SCD5: variants seen among roughly 807,000 people sequenced by gnomAD.
The protein encoded by SCD5 is acyl-CoA-desaturase 4.
Under a neutral mutation model 30.4 loss-of-function variants are expected in SCD5, and 20 were observed. That is an observed-to-expected ratio of 0.66 (90% CI 0.46 to 0.96). SCD5 has a LOEUF of 0.96. SCD5 is among the 40% of genes least tolerant of loss of function. The pLI is 0.00. For missense variants in SCD5, 381 were observed against 443.3 expected, an observed-to-expected ratio of 0.86 and a Z score of 1.26; for synonymous variants, 173 against 176.4, an observed-to-expected ratio of 0.98 and a Z score of 0.16.
intron 1 of SCD5, among the ~76,000 whole-genome samples, chr4:82,774,746 T>A (rs754135125): frequency 6.6e-6 from 1 of 152,164 alleles, no homozygotes; most frequent in Non-Finnish European, 1.5e-5. Context: ...CCCAGTCTCT[T>A]GGTTCTGTTT....
At chr4:82,771,717 C>T (rs543535282) in intron 1 of SCD5, among the ~76,000 whole-genome samples, 4 of 152,340 alleles carry the variant, frequency 2.6e-5, no homozygotes, top group South Asian at 2.1e-4. Context: ...AGGCCACTAC[C>T]GACCAGCTTC....
chr4:82,636,468 G>A (rs1577999208), intron 4 of SCD5, 123 bp downstream of exon 4: 21 of 549,516 alleles, frequency 3.8e-5, no homozygotes, highest in South Asian at 1.1e-4. Flanking sequence ...AAAAAAAAAA[G>A]CTCAAGTTCA....
At chr4:82,746,969 G>A (rs991801469) in intron 1 of SCD5, among the ~76,000 whole-genome samples, 1 of 151,746 alleles carries the variant, frequency 6.6e-6, no homozygotes, top group Admixed American at 6.6e-5. Context: ...AGGGGGAGAG[G>A]AGGAACGGGG....
intron 3 of SCD5, chr4:82,660,818 G>A (rs1219201563): frequency 9.3e-6 from 15 of 1,610,750 alleles, no homozygotes; most frequent in East Asian, 2.2e-5. Flanking sequence ...TGGAGTCCCC[G>A]TCTGTTATTC....
Position 82,798,745 on chromosome 4 carries a change from C to T in SCD5, c.-208G>A. Reference sequence around the variant, plus strand: ...GGATGCAGATCTTGGCGGCCGGCGTCTGTTGCTGGCGTATCCCCCATATGG... The same window carrying T: ...GGATGCAGATCTTGGCGGCCGGCGTTTGTTGCTGGCGTATCCCCCATATGG... On this transcript the variant is annotated 5_prime_UTR_variant, in exon 1 of 5. Coordinates refer to ENST00000319540, the MANE Select transcript of SCD5 (RefSeq NM_001037582.3). 1 of 548,708 alleles carries T rather than the reference C, an allele frequency of 1.8e-6. No individual in the cohort carries two copies. Among genetic ancestry groups the T allele is most frequent in the African/African-American group, 2.0e-5 (1 of 49,856 alleles). 34.0% of individuals were successfully genotyped at this position (548,708 alleles called of 1,614,324 possible).
At chr4:82,660,383 A>G in intron 3 of SCD5, 1 of 776,316 alleles carries the variant, frequency 1.3e-6, no homozygotes, top group South Asian at 5.5e-5. Context: ...GTTTTTATTT[A>G]TAGAAATACA....
At chr4:82,747,786 T>C (rs991465526) in intron 1 of SCD5, among the ~76,000 whole-genome samples, 18 of 152,212 alleles carry the variant, frequency 1.2e-4, no homozygotes, top group African/African-American at 3.9e-4. Flanking sequence ...TTTCCCATGG[T>C]ACTTCATTCC....
At chr4:82,730,258 T>A (rs1344646244) in intron 1 of SCD5, among the ~76,000 whole-genome samples, 1 of 90,226 alleles carries the variant, frequency 1.1e-5, no homozygotes, top group East Asian at 2.6e-4. Context: ...TAATATATTA[T>A]ACATTTATAT....
intron 1 of SCD5, among the ~76,000 whole-genome samples, chr4:82,786,389 T>C (rs892091651): frequency 1.4e-4 from 21 of 152,252 alleles, no homozygotes; most frequent in African/African-American, 4.1e-4. Flanking sequence ...TGTGACAATC[T>C]TGATAGAATA....
rs189722105 is a variant in SCD5 at position 82,637,524 on chromosome 4, C to T, written c.570-701G>A. Among the ~76,000 whole-genome samples, 11 of 152,314 alleles carry T rather than the reference C, an allele frequency of 7.2e-5. No individual in the cohort carries two copies. In the East Asian group the frequency reaches 1.2e-3, roughly 16 times the overall value. ...TACTGATGCATGAGCTAAGTGCTGG[C>T]AATACAAAGACAAGTTAGGTGAAGC... On this transcript the variant is annotated intron_variant, in intron 3 of 4. Transcript: ENST00000319540.
chr4:82,661,516 C>T (rs1728007305), intron 3 of SCD5, among the ~76,000 whole-genome samples: 1 of 152,156 alleles, frequency 6.6e-6, no homozygotes, highest in South Asian at 2.1e-4. Flanking sequence ...AGGGACTCAG[C>T]CTTATTTAAT....
intron 1 of SCD5, among the ~76,000 whole-genome samples, chr4:82,741,718 A>T (rs17006232): frequency 0.042 from 6,360 of 152,112 alleles, 467 homozygotes; most frequent in African/African-American, 0.15. Flanking sequence ...CACCAATATG[A>T]TAGATATCAG....
At chr4:82,760,402 T>C (rs1455566665) in intron 1 of SCD5, among the ~76,000 whole-genome samples, 4 of 152,106 alleles carry the variant, frequency 2.6e-5, no homozygotes, top group Non-Finnish European at 5.9e-5. Context: ...TCTCACCCGT[T>C]TTATTTTGTC....
intron 3 of SCD5, among the ~76,000 whole-genome samples, chr4:82,669,226 C>T (rs1728254116): frequency 6.6e-6 from 1 of 151,650 alleles, no homozygotes; most frequent in South Asian, 2.1e-4. Flanking sequence ...TTTTGTCTAA[C>T]CACCCTGCCC....
At chr4:82,713,908 A>G (rs562713855) in intron 1 of SCD5, among the ~76,000 whole-genome samples, 30 of 152,202 alleles carry the variant, frequency 2.0e-4, no homozygotes, top group Non-Finnish European at 3.5e-4. Context: ...TTCAGTAAGA[A>G]TATCAGAACT....
At chr4:82,664,991 C>CTA (rs1373219675) in intron 3 of SCD5, among the ~76,000 whole-genome samples, 344 of 96,026 alleles carry the variant, frequency 3.6e-3, no homozygotes, top group East Asian at 0.01. Flanking sequence ...CTCTCTCTCT[C>CTA]TCTCTCTCTA....
intron 1 of SCD5, among the ~76,000 whole-genome samples, chr4:82,763,661 G>A (rs1721426312): frequency 6.6e-6 from 1 of 152,238 alleles, no homozygotes; most frequent in African/African-American, 2.4e-5. Flanking sequence ...GAAAGACCAC[G>A]TGAAGCGGCA....
rs1578018591 is a variant in SCD5 at position 82,680,782 on chromosome 4, C to T, written c.494G>A (p.Arg165Gln). The T allele has an allele frequency of 2.5e-6, 4 of 1,613,916 alleles. No individual in the cohort carries two copies. In the East Asian group the frequency reaches 6.7e-5, roughly 27 times the overall value. ...HIGWLFVRKH[R>Q]DVIEKGRKLD... ...CTTTCTCCCCTTCTCAATAACATCTCGATGCTTGCGAACAAACAGCCACCC... is the reference window on the plus strand; with the variant it reads ...CTTTCTCCCCTTCTCAATAACATCTTGATGCTTGCGAACAAACAGCCACCC... Residue 165 changes from arginine to glutamine, a missense_variant, in exon 3 of 5, where the codon CGA (arginine) becomes CAA (glutamine). Arg to Gln is a conservative substitution (Grantham distance 43). Transcript: ENST00000319540.
At chr4:82,634,462 C>T (rs754460020) in intron 4 of SCD5, among the ~76,000 whole-genome samples, 1 of 149,878 alleles carries the variant, frequency 6.7e-6, no homozygotes, top group East Asian at 1.9e-4. Flanking sequence ...TAAATTTATG[C>T]CATCCCTACC....
Sources: gnomAD v4.1 joint callset for allele counts (sites outside exome capture counted in the v4.1 genomes callset) on GRCh38, gnomAD v4.1.1 for gene constraint, MANE v1.5 for transcripts, NCBI Gene and HGNC (gene_info 2026-07-23, HGNC 2026-07-21) for gene names.